Variants in PRKAR2B observed in about 807,000 individuals in gnomAD.
The protein encoded by PRKAR2B is protein kinase cAMP-dependent type II regulatory subunit beta.
A neutral mutation model predicts 49.9 loss-of-function variants in PRKAR2B; 14 were observed. The ratio of observed to expected loss-of-function variants is 0.28; its 90% CI spans 0.19 to 0.44. The LOEUF (loss-of-function observed/expected upper bound fraction) is 0.44, where lower values mean the gene tolerates loss of function less well. Among genes scored for constraint, PRKAR2B ranks in the 20% least tolerant of loss-of-function variants. The pLI, the probability that PRKAR2B is intolerant of heterozygous loss-of-function variation, is 1.00. For missense variants in PRKAR2B, 393 were observed against 537.9 expected (o/e 0.73, Z 2.67); for synonymous variants, 196 against 197.7 (o/e 0.99, Z 0.07).
At chr7:107,153,908 G>A (rs1182477521) in intron 8 of PRKAR2B, among the ~76,000 whole-genome samples, 1 of 152,192 alleles carries the variant, frequency 6.6e-6, no homozygotes, top group Non-Finnish European at 1.5e-5. Flanking sequence ...AATAGATTCT[G>A]TAATTTTTGT....
At chr7:107,045,543 G>A (rs144820228) in intron 1 of PRKAR2B, among the ~76,000 whole-genome samples, 1 of 152,210 alleles carries the variant, frequency 6.6e-6, no homozygotes, top group African/African-American at 2.4e-5. Flanking sequence ...GCTGTGGTTG[G>A]AGGTATTTCG....
intron 2 of PRKAR2B, among the ~76,000 whole-genome samples, chr7:107,087,020 A>G (rs1794632667): frequency 1.3e-5 from 2 of 152,148 alleles, no homozygotes. Flanking sequence ...GTTTTATAAA[A>G]TTGCAGTGAA....
At chr7:107,046,204 A>G (rs947256571) in intron 1 of PRKAR2B, among the ~76,000 whole-genome samples, 1 of 152,132 alleles carries the variant, frequency 6.6e-6, no homozygotes, top group African/African-American at 2.4e-5. Flanking sequence ...CCCAAATCTC[A>G]TTTTTATGGC....
intron 2 of PRKAR2B, among the ~76,000 whole-genome samples, chr7:107,086,833 G>C (rs1794629202): frequency 6.6e-6 from 1 of 152,116 alleles, no homozygotes; most frequent in Non-Finnish European, 1.5e-5. Context: ...AGTTTCAATA[G>C]ATTATCTAAT....
chr7:107,080,584 C>T (rs1794496062), intron 2 of PRKAR2B, among the ~76,000 whole-genome samples: 1 of 152,136 alleles, frequency 6.6e-6, no homozygotes, highest in African/African-American at 2.4e-5. Flanking sequence ...GGTCTTACAT[C>T]TTGTGGATGA....
Position 107,063,964 on chromosome 7 carries a change from A to G in PRKAR2B, c.308-6317A>G, listed in dbSNP as rs148094168. The stretch of plus-strand genomic sequence containing the variant: ...CTGCTCTTTGCATGAATCTGACCGT[A>G]CAGACTTAAAAGAGACAGTTTTGTG... On this transcript the variant is annotated intron_variant, in intron 1 of 10. Transcript: ENST00000265717. Among the ~76,000 whole-genome samples, 298 of 152,328 alleles carry G rather than the reference A, an allele frequency of 2.0e-3. 1 individual carries two copies. Among genetic ancestry groups the G allele is most frequent in the African/African-American group, 6.8e-3 (281 of 41,576 alleles).
chr7:107,126,994 A>C (rs148007719), intron 3 of PRKAR2B, among the ~76,000 whole-genome samples: 3 of 152,234 alleles, frequency 2.0e-5, no homozygotes, highest in Non-Finnish European at 4.4e-5. Context: ...ACATAATGCA[A>C]ATAAATGGTA....
At chr7:107,101,921 T>A (rs1263193575) in intron 2 of PRKAR2B, among the ~76,000 whole-genome samples, 1 of 148,928 alleles carries the variant, frequency 6.7e-6, no homozygotes, top group East Asian at 2.0e-4. Flanking sequence ...AGTTTCCTCA[T>A]TGCCTTTTGA....
chr7:107,098,130 G>A (rs916072709), intron 2 of PRKAR2B, among the ~76,000 whole-genome samples: 4 of 152,210 alleles, frequency 2.6e-5, no homozygotes, highest in Admixed American at 2.0e-4. Context: ...CTTTCTCCCC[G>A]TCACTTTCAG....
At chr7:107,151,206 ATTTGT>A (rs924892641) in intron 7 of PRKAR2B, among the ~76,000 whole-genome samples, 183 bp downstream of exon 7, 4 of 152,106 alleles carry the variant, frequency 2.6e-5, no homozygotes, top group Admixed American at 6.5e-5. Context: ...CTATAATTTC[ATTTGT>A]TTTGTTATTT....
intron 2 of PRKAR2B, among the ~76,000 whole-genome samples, chr7:107,086,810 T>C (rs1562852059): frequency 6.6e-6 from 1 of 152,172 alleles, no homozygotes; most frequent in Non-Finnish European, 1.5e-5. Flanking sequence ...TTCGTAAACA[T>C]AATGATATGG....
intron 2 of PRKAR2B, among the ~76,000 whole-genome samples, chr7:107,097,272 T>G (rs1379447257): frequency 6.6e-6 from 1 of 152,190 alleles, no homozygotes. Context: ...TGGCCTTCTT[T>G]GTCTCTTTTG....
chr7:107,107,738 G>A (rs1047674806), intron 2 of PRKAR2B, among the ~76,000 whole-genome samples: 1 of 151,862 alleles, frequency 6.6e-6, no homozygotes, highest in South Asian at 2.1e-4. Context: ...GCTCACTGTA[G>A]CCTCTGCCTC....
chr7:107,072,671 G>T (rs1794303286), intron 2 of PRKAR2B, among the ~76,000 whole-genome samples: 1 of 152,056 alleles, frequency 6.6e-6, no homozygotes, highest in Admixed American at 6.5e-5. Context: ...ATTTAATTTA[G>T]TGCTAACATG....
At position 107,100,490 on chromosome 7, in the gene PRKAR2B, T is replaced by G. The variant is rs75167418; in HGVS notation, c.344-21462T>G. Among the ~76,000 whole-genome samples the G allele has an allele frequency of 7.5e-3, 1,148 of 152,314 alleles. 15 individuals carry two copies. Among genetic ancestry groups the G allele is most frequent in the African/African-American group, 0.024 (1,006 of 41,562 alleles). ...TGGGTATGGATTTCATTGTGTTTAT[T>G]CTGTGCTGAGGTTCATTGAACTTCT... On this transcript the variant is annotated intron_variant, in intron 2 of 10. Transcript: ENST00000265717.
At chr7:107,124,025 A>G (rs946170962) in intron 3 of PRKAR2B, among the ~76,000 whole-genome samples, 4 of 152,226 alleles carry the variant, frequency 2.6e-5, no homozygotes, top group Admixed American at 2.0e-4. Flanking sequence ...GGAAATATCT[A>G]TGAGGAAAAT....
intron 2 of PRKAR2B, among the ~76,000 whole-genome samples, chr7:107,121,134 C>A (rs1795380159): frequency 6.6e-6 from 1 of 151,708 alleles, no homozygotes; most frequent in African/African-American, 2.4e-5. Flanking sequence ...TTTTGTCGGA[C>A]AATCGATAGG....
intron 5 of PRKAR2B, among the ~76,000 whole-genome samples, chr7:107,141,570 T>C (rs928412916): frequency 2.6e-5 from 4 of 152,106 alleles, no homozygotes; most frequent in Admixed American, 6.5e-5. Flanking sequence ...TGCACACCTG[T>C]AATCCCAGCT....
intron 10 of PRKAR2B, among the ~76,000 whole-genome samples, chr7:107,158,373 C>T (rs1225331178): frequency 6.6e-6 from 1 of 152,050 alleles, no homozygotes; most frequent in Non-Finnish European, 1.5e-5. Flanking sequence ...AAACATAACA[C>T]CGCCACTCAG....
Sources: gnomAD v4.1 joint callset for allele counts (sites outside exome capture counted in the v4.1 genomes callset) on GRCh38, gnomAD v4.1.1 for gene constraint, MANE v1.5 for transcripts, NCBI Gene and HGNC (gene_info 2026-07-23, HGNC 2026-07-21) for gene names.